The following ITPRID1 variants were observed in gnomAD, a reference collection of about 807,000 sequenced individuals.
The protein encoded by ITPRID1 is protein ITPRID1.
A neutral mutation model predicts 95.4 loss-of-function variants in ITPRID1; 96 were observed. The ratio of observed to expected loss-of-function variants is 1.01; its 90% CI spans 0.85 to 1.19. The LOEUF (loss-of-function observed/expected upper bound fraction) is 1.19, where lower values mean the gene tolerates loss of function less well. ITPRID1 is among the 50% of genes most tolerant of loss of function. ITPRID1 has a pLI of 0.00. For missense variants in ITPRID1, 1,339 were observed against 1,252.9 expected (o/e 1.07, Z -1.04); for synonymous variants, 510 against 453.6 (o/e 1.12, Z -1.58).
At chr7:31,618,039 G>A (rs377366280) in intron 10 of ITPRID1, among the ~76,000 whole-genome samples, 1 of 152,058 alleles carries the variant, frequency 6.6e-6, no homozygotes, top group African/African-American at 2.4e-5. Flanking sequence ...GGCATCCATG[G>A]GATCCTAAAG....
In ITPRID1 at chr7:31,654,745, AG is replaced by A. The variant is rs1791212982; in HGVS notation, c.*1917del. Among the ~76,000 whole-genome samples, 1 of 152,196 alleles carries A rather than the reference AG, an allele frequency of 6.6e-6. No homozygotes were observed. Among genetic ancestry groups the A allele is most frequent in the African/African-American group, 2.4e-5 (1 of 41,456 alleles). On this transcript the variant is annotated 3_prime_UTR_variant, in exon 15 of 15. Transcript: ENST00000615280. The stretch of plus-strand genomic sequence containing the variant: ...TGGAATAGGAAAAACTGCTTGGAAA[AG>A]TAATGCCATGAGGGAAGTTTATAAT...
Position 31,643,783 on chromosome 7 carries a change from T to G in ITPRID1, c.2413T>G (p.Cys805Gly). The change falls in exon 12 of 15, where the codon TGC becomes GGC. Residue 805 changes from cysteine to glycine, a missense_variant. Coordinates refer to ENST00000615280, the MANE Select transcript of ITPRID1 (RefSeq NM_001257967.3). ...CACCTGCCATGCTATACCTGCCCAC[T>G]GCTGCATCTGCTGTCATCACCACCC... ...MGTCHAIPAH[C>G]CICCHHHPHC... The G allele has an allele frequency of 6.2e-7, 1 of 1,613,980 alleles. No homozygotes were observed. The highest frequency in any genetic ancestry group is 8.5e-7 in the Non-Finnish European group (1 of 1,179,884).
intron 7 of ITPRID1, 60 bp from the exon 8 acceptor site, chr7:31,574,480 G>GA (rs1320196459): frequency 2.6e-6 from 4 of 1,512,156 alleles, no homozygotes; most frequent in Non-Finnish European, 3.7e-6. Flanking sequence ...GAGGTGACCA[G>GA]AAAAAAATGG....
At position 31,563,530 on chromosome 7, in the gene ITPRID1, C is replaced by T. The variant is rs894483061; in HGVS notation, c.257-6228C>T. Among the ~76,000 whole-genome samples, 18 of 152,148 alleles carry T rather than the reference C, an allele frequency of 1.2e-4. 1 individual carries two copies. Among genetic ancestry groups the T allele is most frequent in the Middle Eastern group, 6.8e-3 (2 of 294 alleles). On this transcript the variant is annotated intron_variant, in intron 5 of 14. Transcript: ENST00000615280. Reference sequence around the variant, plus strand: ...CCTATCTTTGTTCACCTGAAAAGGTCGTGAATAATTTGTGATAATAATTAG... The same window carrying T: ...CCTATCTTTGTTCACCTGAAAAGGTTGTGAATAATTTGTGATAATAATTAG...
In ITPRID1 at chr7:31,577,707, A is replaced by C. The variant is rs1785234764; in HGVS notation, c.599-156A>C. On this transcript the variant is annotated intron_variant, in intron 8 of 14. Transcript: ENST00000615280. Reference sequence around the variant, plus strand: ...GTAGGGAAATCATCTCCATAATAGTAATGGCATATACTGAGAAAAACTTGA... The same window carrying C: ...GTAGGGAAATCATCTCCATAATAGTCATGGCATATACTGAGAAAAACTTGA... Among the ~76,000 whole-genome samples the C allele has an allele frequency of 1.3e-5, 2 of 152,178 alleles. 1 individual carries two copies. Among genetic ancestry groups the C allele is most frequent in the Admixed American group, 1.3e-4 (2 of 15,286 alleles).
At chr7:31,555,016 G>A in intron 5 of ITPRID1, 115 bp downstream of exon 5, 1 of 798,404 alleles carries the variant, frequency 1.3e-6, no homozygotes, top group Non-Finnish European at 2.1e-6. Flanking sequence ...GAAATGATCA[G>A]CCCTCAAAAA....
chr7:31,540,480 C>T (rs1783899037), intron 1 of ITPRID1, among the ~76,000 whole-genome samples: 1 of 152,166 alleles, frequency 6.6e-6, no homozygotes, highest in South Asian at 2.1e-4. Context: ...TGAGTCAAGA[C>T]TAGAATTTAA....
At chr7:31,649,971 G>A (rs551638118) in intron 12 of ITPRID1, among the ~76,000 whole-genome samples, 103 of 152,254 alleles carry the variant, frequency 6.8e-4, no homozygotes, top group African/African-American at 2.2e-3. Flanking sequence ...AAGAGTAGGG[G>A]CTCAGTAGAG....
chr7:31,552,353 A>G (rs1784309003), intron 2 of ITPRID1, among the ~76,000 whole-genome samples: 2 of 150,588 alleles, frequency 1.3e-5, no homozygotes, highest in Non-Finnish European at 3.0e-5. Flanking sequence ...CTGGTCTTCA[A>G]TTTACCATAA....
intron 11 of ITPRID1, among the ~76,000 whole-genome samples, 162 bp from the exon 12 acceptor site, chr7:31,642,520 T>C (rs1441727107): frequency 6.6e-6 from 1 of 152,176 alleles, no homozygotes; most frequent in African/African-American, 2.4e-5. Context: ...CTGAGCCTCC[T>C]AGAGAGGAGG....
intron 1 of ITPRID1, among the ~76,000 whole-genome samples, chr7:31,531,099 G>A (rs13241844): frequency 0.58 from 88,778 of 152,064 alleles, 26,981 homozygotes; most frequent in Middle Eastern, 0.71. Flanking sequence ...CCCAAATGGA[G>A]CTGGGTGCAG....
intron 10 of ITPRID1, among the ~76,000 whole-genome samples, chr7:31,615,945 C>T (rs1032024353): frequency 2.6e-4 from 40 of 151,692 alleles, no homozygotes; most frequent in Admixed American, 9.9e-4. Context: ...TTGGTAGAGA[C>T]GGGGTTTCAC....
chr7:31,559,589 C>T (rs1429944975), intron 5 of ITPRID1, among the ~76,000 whole-genome samples: 2 of 152,122 alleles, frequency 1.3e-5, no homozygotes, highest in African/African-American at 4.8e-5. Flanking sequence ...TGCTTGAACC[C>T]TGGAGGTGGA....
chr7:31,643,058 A>T lies in ITPRID1; in HGVS notation c.1688A>T (p.Asp563Val). Reference protein sequence around the residue: ...VTRPTATSKYDHPLGFMVTHV... With the variant: ...VTRPTATSKYVHPLGFMVTHV... The stretch of plus-strand genomic sequence containing the variant: ...AGACCCACAGCCACTTCCAAATATG[A>T]TCATCCTCTGGGGTTTATGGTAACC... Residue 563 changes from aspartate to valine, a missense_variant, in exon 12 of 15, where the codon GAT becomes GTT. Coordinates refer to ENST00000615280, the MANE Select transcript of ITPRID1 (RefSeq NM_001257967.3). The T allele has an allele frequency of 1.2e-6, 2 of 1,613,972 alleles. No homozygotes were observed. The highest frequency in any genetic ancestry group is 8.5e-7 in the Non-Finnish European group (1 of 1,179,892).
At chr7:31,520,300 G>A (rs1369938368) in intron 1 of ITPRID1, among the ~76,000 whole-genome samples, 6 of 151,996 alleles carry the variant, frequency 3.9e-5, no homozygotes, top group Non-Finnish European at 5.9e-5. Flanking sequence ...GTGTTTGTCA[G>A]GTTTCTGCAC....
chr7:31,555,066 C>CA, intron 5 of ITPRID1, 165 bp downstream of exon 5: 1 of 586,906 alleles, frequency 1.7e-6, no homozygotes, highest in Non-Finnish European at 3.0e-6. Flanking sequence ...ATGACTGCGA[C>CA]AAAAATGATA....
chr7:31,641,824 A>C (rs1218897105), intron 10 of ITPRID1, among the ~76,000 whole-genome samples: 3 of 152,198 alleles, frequency 2.0e-5, no homozygotes, highest in Non-Finnish European at 4.4e-5. Context: ...GTGGTCTTTC[A>C]TTATTTTATT....
intron 9 of ITPRID1, among the ~76,000 whole-genome samples, chr7:31,581,559 C>A (rs1000559297): frequency 9.2e-5 from 14 of 152,032 alleles, no homozygotes; most frequent in Admixed American, 9.2e-4. Flanking sequence ...GAACATTAAC[C>A]ATATTATTAA....
At chr7:31,646,313 G>A (rs1790462974) in intron 12 of ITPRID1, among the ~76,000 whole-genome samples, 1 of 152,266 alleles carries the variant, frequency 6.6e-6, no homozygotes. Flanking sequence ...AGTCTGTGAG[G>A]TACTAGGGGT....
Sources: gnomAD v4.1 joint callset for allele counts (sites outside exome capture counted in the v4.1 genomes callset) on GRCh38, gnomAD v4.1.1 for gene constraint, MANE v1.5 for transcripts, NCBI Gene and HGNC (gene_info 2026-07-23, HGNC 2026-07-21) for gene names.